The following UNC13C variants were observed in gnomAD, a reference collection of about 807,000 sequenced individuals.
The protein encoded by UNC13C is unc-13 homolog C.
UNC13C carries 174 observed loss-of-function variants against 245.4 expected under a neutral mutation model. The observed-to-expected ratio is 0.71, with a 90% CI of 0.63 to 0.80. The LOEUF (loss-of-function observed/expected upper bound fraction) is 0.80. Among genes scored for constraint, UNC13C ranks in the 30% least tolerant of loss-of-function variants. UNC13C has a pLI of 0.00. For synonymous variants in UNC13C, 992 were observed against 895.1 expected (o/e 1.11, Z -1.93); for missense variants, 2,829 against 2,602.9 (o/e 1.09, Z -1.89).
intron 17 of UNC13C, among the ~76,000 whole-genome samples, chr15:54,338,878 G>A (rs1398146430): frequency 2.0e-5 from 3 of 151,950 alleles, no homozygotes; most frequent in Non-Finnish European, 4.4e-5. Flanking sequence ...TTATTTATTT[G>A]TTTTTTGAGA....
the UNC13C span, among the ~76,000 whole-genome samples, chr15:53,850,958 A>G: frequency 6.6e-6 from 1 of 151,532 alleles, no homozygotes; most frequent in African/African-American, 2.4e-5. Context: ...TGCAGTGTCT[A>G]ATCTGCTTTT....
At chr15:54,021,392 T>C (rs886340200) in intron 2 of UNC13C, among the ~76,000 whole-genome samples, 3 of 152,214 alleles carry the variant, frequency 2.0e-5, no homozygotes, top group African/African-American at 4.8e-5. Flanking sequence ...CTAAAATCTG[T>C]TTCTCTGAGA....
chr15:54,015,107 T>A lies in UNC13C; in HGVS notation c.2204T>A (p.Val735Asp). 6.2e-7 allele frequency: 1 copy of A among 1,612,666 alleles called. No individual in the cohort carries two copies. The highest frequency in any genetic ancestry group is 8.5e-7 in the Non-Finnish European group (1 of 1,179,384). Residue 735 changes from valine to aspartate, a missense_variant, in exon 2 of 33, where the codon GTT becomes GAT. Val to Asp is a radical substitution (Grantham distance 152, BLOSUM62 -3). Transcript: ENST00000260323. ...GLDNEPQGQWVGQYDSYQGAN... is the reference protein window; with the variant it reads ...GLDNEPQGQWDGQYDSYQGAN... Reference sequence around the variant, plus strand: ...GATAATGAACCACAAGGCCAGTGGGTTGGCCAATATGATTCTTATCAGGGA... The same window carrying A: ...GATAATGAACCACAAGGCCAGTGGGATGGCCAATATGATTCTTATCAGGGA...
intron 4 of UNC13C, among the ~76,000 whole-genome samples, chr15:54,219,181 C>T (rs2035141573): frequency 6.6e-6 from 1 of 151,952 alleles, no homozygotes; most frequent in Non-Finnish European, 1.5e-5. Flanking sequence ...AGGCATCACG[C>T]TACCTGACTT....
intron 23 of UNC13C, among the ~76,000 whole-genome samples, chr15:54,510,687 C>T (rs1001821535): frequency 1.3e-5 from 2 of 152,058 alleles, no homozygotes; most frequent in African/African-American, 2.4e-5. Context: ...AAAATCTTTC[C>T]ACTGATAAGA....
the UNC13C span, among the ~76,000 whole-genome samples, chr15:53,862,390 A>C: frequency 7.4e-4 from 112 of 152,250 alleles, no homozygotes; most frequent in African/African-American, 2.6e-3. Flanking sequence ...GTGCGGCCAT[A>C]AGCAGGAGTG....
intron 21 of UNC13C, 92 bp from the exon 22 acceptor site, chr15:54,500,743 G>C (rs1190899840): frequency 6.0e-6 from 6 of 1,000,330 alleles, no homozygotes; most frequent in Non-Finnish European, 9.0e-6. Context: ...TATGTGATAC[G>C]GGAGATTCAG....
chr15:54,198,367 C>T (rs948902781), intron 4 of UNC13C, among the ~76,000 whole-genome samples: 2 of 152,140 alleles, frequency 1.3e-5, no homozygotes, highest in Non-Finnish European at 2.9e-5. Flanking sequence ...CTGATGTACT[C>T]TTGAAAACAC....
Position 54,087,299 on chromosome 15 carries a change from A to G in UNC13C, c.2984-55719A>G, listed in dbSNP as rs193192416. 2.0e-5 allele frequency among the ~76,000 whole-genome samples: 3 copies of G among 152,258 alleles called. No individual in the cohort carries two copies. The East Asian group carries it at 5.8e-4, about 29-fold the overall frequency. On this transcript the variant is annotated intron_variant, in intron 2 of 32. Transcript: ENST00000260323. Reference sequence around the variant, plus strand: ...ACTAGTTCATCATCAGTACAGGTATACTTTCTATCATATCAGTGGCAGATG... The same window carrying G: ...ACTAGTTCATCATCAGTACAGGTATGCTTTCTATCATATCAGTGGCAGATG...
intron 12 of UNC13C, among the ~76,000 whole-genome samples, chr15:54,298,478 C>T (rs898524162): frequency 6.6e-6 from 1 of 152,040 alleles, no homozygotes; most frequent in African/African-American, 2.4e-5. Context: ...TTTCTGAGTA[C>T]AACAAGCAGT....
chr15:54,214,553 G>A (rs1375183820), intron 4 of UNC13C, among the ~76,000 whole-genome samples: 2 of 151,932 alleles, frequency 1.3e-5, no homozygotes, highest in African/African-American at 4.8e-5. Context: ...ATTTTCATTA[G>A]TGATAGAAGA....
chr15:54,591,464 C>T (rs1898787105), intron 30 of UNC13C, among the ~76,000 whole-genome samples: 1 of 152,064 alleles, frequency 6.6e-6, no homozygotes, highest in Admixed American at 6.5e-5. Context: ...TTCAATCTCA[C>T]TACTTGTTAT....
the UNC13C span, among the ~76,000 whole-genome samples, chr15:53,895,371 G>C: frequency 2.5e-5 from 3 of 121,242 alleles, no homozygotes; most frequent in Non-Finnish European, 5.3e-5. Context: ...AAAAAAAAAA[G>C]AAAGAAATTT....
chr15:54,541,036 T>G (rs1354145665), intron 26 of UNC13C, among the ~76,000 whole-genome samples: 1 of 152,048 alleles, frequency 6.6e-6, no homozygotes, highest in East Asian at 1.9e-4. Context: ...ACCAGCAAGC[T>G]AAAAATGGTA....
the UNC13C span, among the ~76,000 whole-genome samples, chr15:53,865,684 T>A: frequency 6.6e-6 from 1 of 152,158 alleles, no homozygotes; most frequent in Non-Finnish European, 1.5e-5. Context: ...AAGGCTTCAG[T>A]ATTAAGATCC....
intron 15 of UNC13C, among the ~76,000 whole-genome samples, chr15:54,332,798 T>C (rs2038474041): frequency 6.6e-6 from 1 of 152,084 alleles, no homozygotes; most frequent in South Asian, 2.1e-4. Flanking sequence ...TAATAATTTA[T>C]CCTAAACATC....
At chr15:54,551,140 A>G (rs536668617) in intron 28 of UNC13C, among the ~76,000 whole-genome samples, 39 of 152,250 alleles carry the variant, frequency 2.6e-4, no homozygotes, top group Non-Finnish European at 1.5e-5. Flanking sequence ...AAACAATTTT[A>G]CAGGACCCAG....
intron 4 of UNC13C, among the ~76,000 whole-genome samples, chr15:54,210,284 T>C (rs1266319868): frequency 6.7e-6 from 1 of 150,302 alleles, no homozygotes; most frequent in Non-Finnish European, 1.5e-5. Flanking sequence ...TTAATTTTTC[T>C]TGTTTGTTAT....
intron 4 of UNC13C, among the ~76,000 whole-genome samples, chr15:54,144,939 TTATC>T (rs1244195235): frequency 6.6e-6 from 1 of 151,866 alleles, no homozygotes; most frequent in Non-Finnish European, 1.5e-5. Context: ...ATATAATTAA[TTATC>T]TATCTATCTA....
Sources: gnomAD v4.1 joint callset for allele counts (sites outside exome capture counted in the v4.1 genomes callset) on GRCh38, gnomAD v4.1.1 for gene constraint, MANE v1.5 for transcripts, NCBI Gene and HGNC (gene_info 2026-07-23, HGNC 2026-07-21) for gene names.